POR: variants seen among roughly 807,000 people sequenced by gnomAD.
POR encodes the protein cytochrome p450 oxidoreductase.
POR carries 56 observed loss-of-function variants against 84.0 expected under a neutral mutation model. That is an observed-to-expected ratio of 0.67 (90% CI 0.54 to 0.83). The LOEUF (loss-of-function observed/expected upper bound fraction) is 0.83. Ranked by LOEUF, POR falls within the 40% of genes least tolerant of loss-of-function variation. The pLI is 0.00. For missense variants in POR, 938 were observed against 944.3 expected (o/e 0.99, Z 0.09); for synonymous variants, 414 against 400.5 (o/e 1.03, Z -0.40).
intron 1 of POR, 44 bp from the exon 2 acceptor site, chr7:75,953,945 C>T (rs1221564409): frequency 9.5e-6 from 14 of 1,475,222 alleles, no homozygotes; most frequent in Non-Finnish European, 1.2e-5. Flanking sequence ...TCAGGGGCAC[C>T]CTGCTACCCT....
intron 5 of POR, 70 bp downstream of exon 5, chr7:75,980,558 G>A: frequency 1.2e-6 from 2 of 1,612,140 alleles, no homozygotes; most frequent in Non-Finnish European, 1.7e-6. Flanking sequence ...CCAGATCCAT[G>A]TATCTGAAAG....
Position 75,985,730 on chromosome 7 carries a change from G to A in POR, c.1550G>A (p.Arg517His), listed in dbSNP as rs781813178. The A allele has an allele frequency of 1.3e-5, 21 of 1,587,804 alleles. No individual in the cohort carries two copies. The highest frequency in any genetic ancestry group is 4.6e-5 in the South Asian group (4 of 86,878). ...CGTGCGCTGGTGCCCATGTTCGTGC[G>A]CAAGTCCCAGTTCCGCCTGCCCTTC... The change falls in exon 13 of 16, where the codon CGC becomes CAC. Residue 517 changes from arginine (R) to histidine (H), a missense_variant. By Grantham distance (29) the Arg-to-His change is conservative (BLOSUM62 0). Coordinates refer to ENST00000461988, the MANE Select transcript of POR (RefSeq NM_000941.3).
intron 2 of POR, among the ~76,000 whole-genome samples, chr7:75,958,312 C>G (rs868957688): frequency 6.6e-6 from 1 of 152,008 alleles, no homozygotes; most frequent in Non-Finnish European, 1.5e-5. Context: ...AAATGGACAT[C>G]TAACAATGTT....
intron 2 of POR, among the ~76,000 whole-genome samples, chr7:75,968,964 G>T (rs148496653): frequency 6.6e-6 from 1 of 152,222 alleles, no homozygotes; most frequent in Admixed American, 6.5e-5. Context: ...CCCGCTTCCC[G>T]TGGGGCTGTC....
intron 3 of POR, chr7:75,972,898 C>T: frequency 4.2e-6 from 1 of 240,504 alleles, no homozygotes; most frequent in Non-Finnish European, 8.5e-6. Flanking sequence ...TCTCGGTTCA[C>T]TGCAAGCTCC....
chr7:75,938,847 C>T (rs532143223), intron 1 of POR, among the ~76,000 whole-genome samples: 52 of 152,302 alleles, frequency 3.4e-4, no homozygotes, highest in Admixed American at 1.4e-3. Context: ...CCCCAGACCC[C>T]GAGTTTCTCG....
At chr7:75,964,657 A>G (rs543869379) in intron 2 of POR, among the ~76,000 whole-genome samples, 5 of 152,322 alleles carry the variant, frequency 3.3e-5, no homozygotes, top group African/African-American at 1.2e-4. Context: ...TTAAAATGAC[A>G]TAATTGACAA....
At position 75,986,047 on chromosome 7, in the gene POR, C is replaced by T. The variant is rs1479797469; in HGVS notation, c.1794C>T (p.Phe598=). 1 of 1,560,020 alleles carries T rather than the reference C, an allele frequency of 6.4e-7. No homozygotes were observed. Among genetic ancestry groups the T allele is most frequent in the Non-Finnish European group, 8.7e-7 (1 of 1,152,992 alleles). ...CGCTCACCCAGCTCAACGTGGCCTT[C>T]TCCCGGGAGCAGTCCCACAAGGTGA... Residue 598 remains phenylalanine, a synonymous_variant, in exon 14 of 16, where the codon TTC becomes TTT. Coordinates refer to ENST00000461988, the MANE Select transcript of POR (RefSeq NM_000941.3).
At chr7:75,938,222 AG>A (rs1171298350) in intron 1 of POR, among the ~76,000 whole-genome samples, 14 of 152,200 alleles carry the variant, frequency 9.2e-5, no homozygotes, top group Admixed American at 7.2e-4. Context: ...AAAGGCCATC[AG>A]CTGGGAGCGT....
intron 2 of POR, among the ~76,000 whole-genome samples, chr7:75,958,291 A>G (rs1787772384): frequency 6.6e-6 from 1 of 151,846 alleles, no homozygotes; most frequent in Non-Finnish European, 1.5e-5. Context: ...TAATTTTTAT[A>G]TTTTTTGTAC....
At chr7:75,985,550 C>T (rs1276914120) in intron 12 of POR, 29 bp from the exon 13 acceptor site, 15 of 1,501,380 alleles carry the variant, frequency 1.0e-5, no homozygotes, top group African/African-American at 5.5e-5. Flanking sequence ...CTCGGTGTGG[C>T]GGTGGAGCTC....
At chr7:75,956,169 C>T (rs1585107386) in intron 2 of POR, among the ~76,000 whole-genome samples, 1 of 152,278 alleles carries the variant, frequency 6.6e-6, no homozygotes, top group South Asian at 2.1e-4. Context: ...CGTGGTGGTG[C>T]ATGCCTGTAA....
intron 6 of POR, 137 bp downstream of exon 6, chr7:75,981,309 G>C: frequency 1.5e-6 from 2 of 1,351,386 alleles, no homozygotes; most frequent in Non-Finnish European, 2.0e-6. Flanking sequence ...GGGCTCTCCT[G>C]CCTCTGCCCT....
At chr7:75,980,317 G>C (rs782607811) in intron 4 of POR, 22 bp from the exon 5 acceptor site, 1 of 1,607,080 alleles carries the variant, frequency 6.2e-7, no homozygotes, top group South Asian at 1.1e-5. Context: ...GCCGGGGCGC[G>C]GTCCTGTCCC....
chr7:75,966,444 T>G (rs2116496564), intron 2 of POR, among the ~76,000 whole-genome samples: 1 of 152,318 alleles, frequency 6.6e-6, no homozygotes, highest in Non-Finnish European at 1.5e-5. Flanking sequence ...GAGCCCACTC[T>G]CCGTCCTGCC....
intron 1 of POR, among the ~76,000 whole-genome samples, chr7:75,927,695 G>C (rs1807200555): frequency 7.4e-6 from 1 of 135,974 alleles, no homozygotes; most frequent in Non-Finnish European, 1.5e-5. Flanking sequence ...TTTTGAGACT[G>C]ACTCTCGCTC....
chr7:75,985,551 G>T (rs1384420169), intron 12 of POR, 28 bp from the exon 13 acceptor site: 1 of 1,503,648 alleles, frequency 6.7e-7, no homozygotes, highest in South Asian at 1.3e-5. Context: ...TCGGTGTGGC[G>T]GTGGAGCTCA....
chr7:75,983,452 C>G lies in POR; in HGVS notation c.831-68C>G, dbSNP rs13223707. ...TCCCTGTGCTTTGTGCAACCAGAAGCGTCCTTGGAGACGGAGACTCAGATC... is the reference window on the plus strand; with the variant it reads ...TCCCTGTGCTTTGTGCAACCAGAAGGGTCCTTGGAGACGGAGACTCAGATC... On this transcript the variant is annotated intron_variant, in intron 8 of 15. Coordinates refer to ENST00000461988, the MANE Select transcript of POR (RefSeq NM_000941.3). 0.93 allele frequency: 1,044,332 copies of G among 1,124,320 alleles called. 489,495 individuals carry two copies. Among genetic ancestry groups the G allele is most frequent in the Non-Finnish European group, 0.96 (716,650 of 744,460 alleles). The allele number at this position is 1,124,320 out of a possible 1,614,324, so 69.6% of individuals were successfully genotyped here.
At chr7:75,977,218 A>C (rs1585124955) in intron 3 of POR, among the ~76,000 whole-genome samples, 1 of 152,266 alleles carries the variant, frequency 6.6e-6, no homozygotes, top group Middle Eastern at 3.4e-3. Context: ...TAGGCATTTT[A>C]ATCTGGAAGG....
Sources: gnomAD v4.1 joint callset for allele counts (sites outside exome capture counted in the v4.1 genomes callset) on GRCh38, gnomAD v4.1.1 for gene constraint, MANE v1.5 for transcripts, NCBI Gene and HGNC (gene_info 2026-07-23, HGNC 2026-07-21) for gene names.